CDK1: variants seen among roughly 807,000 people sequenced by gnomAD.
The protein encoded by CDK1 is cyclin dependent kinase 1, also known as cyclin-dependent kinase 1.
A neutral mutation model predicts 34.6 loss-of-function variants in CDK1; 5 were observed. That is an observed-to-expected ratio of 0.14 (90% CI 0.08 to 0.30). The LOEUF (loss-of-function observed/expected upper bound fraction) is 0.30, where lower values mean the gene tolerates loss of function less well. Ranked by LOEUF, CDK1 falls within the 10% of genes least tolerant of loss-of-function variation. CDK1 has a pLI of 1.00. For synonymous variants in CDK1, 108 were observed against 114.7 expected, an observed-to-expected ratio of 0.94 and a Z score of 0.37; for missense variants, 157 against 345.7, an observed-to-expected ratio of 0.45 and a Z score of 4.33.
intron 4 of CDK1, chr10:60,787,666 G>A (rs1177607978): frequency 4.4e-5 from 5 of 113,694 alleles, no homozygotes; most frequent in African/African-American, 1.6e-4. Flanking sequence ...TTTTCAAGAA[G>A]GAAATGAATA....
chr10:60,792,567 A>T (rs1163454618), intron 7 of CDK1, among the ~76,000 whole-genome samples: 1 of 151,830 alleles, frequency 6.6e-6, no homozygotes, highest in African/African-American at 2.4e-5. Flanking sequence ...TAAGTTGCTG[A>T]ATTGTAGTGG....
chr10:60,783,454 T>G (rs544549936), intron 2 of CDK1: 2 of 152,322 alleles, frequency 1.3e-5, no homozygotes, highest in African/African-American at 4.8e-5. Flanking sequence ...GTTGGTAATT[T>G]GTTGGTTGTT....
chr10:60,783,909 C>G (rs894997567), intron 2 of CDK1, among the ~76,000 whole-genome samples: 1 of 152,108 alleles, frequency 6.6e-6, no homozygotes, highest in Non-Finnish European at 1.5e-5. Context: ...TCTTTTTTCT[C>G]CATTCTTTTG....
intron 1 of CDK1, among the ~76,000 whole-genome samples, chr10:60,779,306 G>C (rs887267449): frequency 2.0e-5 from 3 of 152,082 alleles, no homozygotes; most frequent in African/African-American, 7.2e-5. Flanking sequence ...ATGGGTGTTA[G>C]AAAAATCTAG....
chr10:60,780,207 G>A lies in CDK1; in HGVS notation c.37+5G>A, dbSNP rs1403454895. 1.4e-6 allele frequency: 2 copies of A among 1,414,078 alleles called. No homozygotes were observed. The highest frequency in any genetic ancestry group is 2.0e-6 in the Non-Finnish European group (2 of 998,538). The allele number at this position is 1,414,078 out of a possible 1,614,324, so 87.6% of individuals were successfully genotyped here. On this transcript the variant is annotated splice_donor_5th_base_variant and intron_variant, in intron 2 of 7. Coordinates refer to ENST00000395284, the MANE Select transcript of CDK1 (RefSeq NM_001786.5). Reference sequence around the variant, plus strand: ...AAATAGAGAAAATTGGAGAAGGTGAGTGGTTTTAGTAAAATAAATTTTATG... The same window carrying A: ...AAATAGAGAAAATTGGAGAAGGTGAATGGTTTTAGTAAAATAAATTTTATG...
intron 6 of CDK1, 35 bp downstream of exon 6, chr10:60,792,088 T>C (rs879097485): frequency 6.2e-7 from 1 of 1,601,576 alleles, no homozygotes; most frequent in Non-Finnish European, 8.5e-7. Flanking sequence ...AAAGGTAACA[T>C]ATATGTAACA....
At chr10:60,790,473 C>T (rs3213068) in intron 5 of CDK1, among the ~76,000 whole-genome samples, 6 of 152,158 alleles carry the variant, frequency 3.9e-5, no homozygotes, top group Non-Finnish European at 8.8e-5. Flanking sequence ...TCTCGAACTC[C>T]TGGGCTCATG....
intron 5 of CDK1, 59 bp from the exon 6 acceptor site, chr10:60,791,831 T>G: frequency 1.1e-6 from 1 of 885,176 alleles, no homozygotes; most frequent in South Asian, 1.6e-5. Context: ...TATAAATGTT[T>G]AAGTGTAGGT....
At chr10:60,787,043 G>C in intron 4 of CDK1, 4 of 984,352 alleles carry the variant, frequency 4.1e-6, no homozygotes, top group Non-Finnish European at 4.8e-6. Flanking sequence ...TAAAAACTGG[G>C]ATACAGATTC....
chr10:60,782,053 C>T (rs141700304), intron 2 of CDK1, among the ~76,000 whole-genome samples: 17 of 152,256 alleles, frequency 1.1e-4, no homozygotes, highest in African/African-American at 4.1e-4. Context: ...TAAATGGAGG[C>T]CTAAATGATT....
chr10:60,784,961 C>G, intron 3 of CDK1, 100 bp downstream of exon 3: 1 of 1,100,290 alleles, frequency 9.1e-7, no homozygotes, highest in Non-Finnish European at 1.3e-6. Flanking sequence ...CTTGGTCTAG[C>G]CTTACTGAGT....
chr10:60,782,800 A>C (rs900518882), intron 2 of CDK1, among the ~76,000 whole-genome samples: 11 of 152,154 alleles, frequency 7.2e-5, no homozygotes, highest in African/African-American at 2.7e-4. Context: ...AGGATATGCC[A>C]TGTATTTCAA....
At chr10:60,788,014 A>G (rs747859502) in intron 4 of CDK1, 46 bp from the exon 5 acceptor site, 5 of 956,598 alleles carry the variant, frequency 5.2e-6, no homozygotes, top group African/African-American at 3.4e-5. Context: ...TATTTAGAAA[A>G]TCATGTACTT....
intron 1 of CDK1, among the ~76,000 whole-genome samples, chr10:60,779,907 ATAC>A (rs1301938573): frequency 6.6e-6 from 1 of 152,318 alleles, no homozygotes; most frequent in Non-Finnish European, 1.5e-5. Flanking sequence ...AAGAAGCTAA[ATAC>A]TACACTAGTA....
rs114083080 is a variant in CDK1 at position 60,780,433 on chromosome 10, G to A, written c.37+231G>A. On this transcript the variant is annotated intron_variant, in intron 2 of 7. Transcript: ENST00000395284. ...TTCGCCTCACCCCCATAGTCTTACA[G>A]TCTTCTGATACTAAACACTTATAGT... is the stretch of plus-strand genomic sequence containing the variant. 3.2e-3 allele frequency among the ~76,000 whole-genome samples: 482 copies of A among 152,230 alleles called. 3 individuals carry two copies. Among genetic ancestry groups the A allele is most frequent in the African/African-American group, 0.011 (456 of 41,536 alleles).
At position 60,794,491 on chromosome 10, in the gene CDK1, A is replaced by G. The variant is rs572575761; in HGVS notation, c.*516A>G. The G allele has an allele frequency of 1.3e-5, 2 of 151,298 alleles. No homozygotes were observed. The highest frequency in any genetic ancestry group is 1.5e-5 in the Non-Finnish European group (1 of 67,748). 9.4% of individuals were successfully genotyped at this position (151,298 alleles called of 1,614,324 possible). A position where few individuals can be genotyped will look rare whatever the true frequency, so the allele number is the denominator to read the frequency against. Reference sequence around the variant, plus strand: ...TTTAAGCATTCGGAATGAGAAAACTATACAGATTTGAGAAATGATGCTAAA... The same window carrying G: ...TTTAAGCATTCGGAATGAGAAAACTGTACAGATTTGAGAAATGATGCTAAA... On this transcript the variant is annotated 3_prime_UTR_variant, in exon 8 of 8. Coordinates refer to ENST00000395284, the MANE Select transcript of CDK1 (RefSeq NM_001786.5).
At chr10:60,788,590 A>G (rs1046782392) in intron 5 of CDK1, among the ~76,000 whole-genome samples, 5 of 152,020 alleles carry the variant, frequency 3.3e-5, no homozygotes, top group Non-Finnish European at 7.4e-5. Context: ...CTCCCCATTC[A>G]AATCACCACC....
chr10:60,779,012 A>G (rs1039936874), intron 1 of CDK1, among the ~76,000 whole-genome samples: 2 of 152,324 alleles, frequency 1.3e-5, no homozygotes, highest in African/African-American at 4.8e-5. Context: ...CACCTGGGCC[A>G]GGTACAGGCG....
At chr10:60,788,032 G>A (rs200043516) in intron 4 of CDK1, 28 bp from the exon 5 acceptor site, 6 of 1,223,720 alleles carry the variant, frequency 4.9e-6, no homozygotes, top group Non-Finnish European at 6.6e-6. Context: ...CTTCGCTTAA[G>A]TTTCTAACTT....
Sources: allele counts gnomAD v4.1 joint callset (sites outside exome capture counted in the v4.1 genomes callset), GRCh38; gene constraint gnomAD v4.1.1; transcripts MANE v1.5; gene names NCBI Gene and HGNC (gene_info 2026-07-23, HGNC 2026-07-21).